CLUH: variants seen among roughly 807,000 people sequenced by gnomAD.
CLUH encodes the protein CLUH binding protein of NUMT mRNA.
CLUH carries 77 observed loss-of-function variants against 139.3 expected under a neutral mutation model. The observed-to-expected ratio is 0.55, with a 90% CI of 0.46 to 0.67. CLUH has a LOEUF of 0.67. CLUH is among the 30% of genes least tolerant of loss of function. The pLI is 0.00. For missense variants in CLUH, 1,876 were observed against 1,875.8 expected (o/e 1.00, Z 0.00); for synonymous variants, 999 against 801.6 (o/e 1.25, Z -4.16).
chr17:2,692,911 C>T (rs534533016), intron 19 of CLUH, 51 bp from the exon 20 acceptor site: 2 of 1,505,796 alleles, frequency 1.3e-6, no homozygotes. Flanking sequence ...CCACTGCACC[C>T]AGAGCCCGCC....
chr17:2,700,242 G>T lies in CLUH; in HGVS notation c.1266+140C>A, dbSNP rs543514149. 9.9e-6 allele frequency: 7 copies of T among 705,524 alleles called. No individual in the cohort carries two copies. In the African/African-American group the frequency reaches 1.1e-4, roughly 11 times the overall value. 43.7% of individuals were successfully genotyped at this position (705,524 alleles called of 1,614,324 possible). On this transcript the variant is annotated intron_variant, in intron 9 of 25. Coordinates refer to ENST00000651024, the MANE Select transcript of CLUH (RefSeq NM_001366661.1). ...AGGCGGAAGGCTAGCAGACCCTGCG[G>T]GAGACGCTGACTGGCCTTCGGGGAA...
Position 2,691,658 on chromosome 17 carries a change from C to T in CLUH, c.3814G>A (p.Val1272Ile). The T allele has an allele frequency of 9.3e-6, 15 of 1,612,532 alleles. No homozygotes were observed. Among genetic ancestry groups the T allele is most frequent in the Non-Finnish European group, 1.3e-5 (15 of 1,179,258 alleles). The change falls in exon 25 of 26, where the codon GTC becomes ATC. Residue 1272 changes from valine (V) to isoleucine (I), a missense_variant. This residue lies in a region of CLUH where 1,454 missense variants were observed against 1,384.4 expected (regional missense o/e 1.05). Coordinates refer to ENST00000651024, the MANE Select transcript of CLUH (RefSeq NM_001366661.1). Reference sequence around the variant, plus strand: ...TTAATGACGTTCAGCTGCTCCAAGACGCTGGCCATGCTGGGGGCCGTGAAC... The same window carrying T: ...TTAATGACGTTCAGCTGCTCCAAGATGCTGGCCATGCTGGGGGCCGTGAAC... ...LKFTAPSMAS[V>I]LEQLNVINGI...
chr17:2,698,324 C>T lies in CLUH; in HGVS notation c.1533G>A (p.Val511=). The T allele has an allele frequency of 1.9e-6, 3 of 1,613,082 alleles. No homozygotes were observed. Among genetic ancestry groups the T allele is most frequent in the Non-Finnish European group, 2.5e-6 (3 of 1,179,760 alleles). ...CCCGGTAGCCGCGGTAATCCACCAC[C>T]ACCGTGCCCAGCGTGTACAGCCCCT... ...DVEGLYTLGT[V]VVDYRGYRVT... The change falls in exon 10 of 26, where the codon GTG becomes GTA. Residue 511 remains valine (V), a synonymous_variant. Coordinates refer to ENST00000651024, the MANE Select transcript of CLUH (RefSeq NM_001366661.1).
intron 13 of CLUH, chr17:2,695,795 T>C: frequency 5.1e-6 from 3 of 586,480 alleles, no homozygotes; most frequent in Non-Finnish European, 9.0e-6. Context: ...CCCCGTGTCC[T>C]GAGGCTTGGA....
Position 2,704,696 on chromosome 17 carries a change from C to A in CLUH, c.101-132G>T, listed in dbSNP as rs1028194994. The stretch of plus-strand genomic sequence containing the variant: ...CCCTCGAGAGTCCCAGCCTCACGGT[C>A]GCGCCTCGCCCTCCGTGCACCTGCA... On this transcript the variant is annotated intron_variant, in intron 1 of 25. Coordinates refer to ENST00000651024, the MANE Select transcript of CLUH (RefSeq NM_001366661.1). This position sits in a 1 kb window ranked among gnomAD's most constrained non-coding sequence, Gnocchi z 5.7. The A allele has an allele frequency of 1.2e-6, 1 of 866,104 alleles. No individual in the cohort carries two copies. The highest frequency in any genetic ancestry group is 3.6e-4 in the Middle Eastern group (1 of 2,804). 53.7% of individuals were successfully genotyped at this position (866,104 alleles called of 1,614,324 possible).
Position 2,690,654 on chromosome 17 carries a change from TG to T in CLUH, c.3986del (p.Pro1329GlnfsTer88). 1.3e-6 allele frequency: 2 copies of T among 1,539,860 alleles called. No homozygotes were observed. The highest frequency in any genetic ancestry group is 1.2e-5 in the South Asian group (1 of 81,344). ...MATEPAPAGA[P>X]GDLGSQPPAA... ...CCGGGGGCTGGGAGCCCAGGTCTCC[TG>T]GGGCCCCCGCTGGCGCGGGCTCGGT... On this transcript the variant is annotated frameshift_variant, in exon 26 of 26. Transcript: ENST00000651024. LOFTEE classifies it high-confidence loss of function.
intron 1 of CLUH, among the ~76,000 whole-genome samples, chr17:2,709,385 C>T (rs973549941): frequency 4.6e-5 from 7 of 152,276 alleles, no homozygotes; most frequent in African/African-American, 1.2e-4. Flanking sequence ...TCCTGTCCCA[C>T]CCAGGCCAGA....
chr17:2,705,613 C>G (rs1443108092), intron 1 of CLUH, among the ~76,000 whole-genome samples: 5 of 152,160 alleles, frequency 3.3e-5, no homozygotes, highest in African/African-American at 1.2e-4. Context: ...CCAAATGACC[C>G]TTAATGGCAG....
intron 4 of CLUH, 43 bp downstream of exon 4, chr17:2,701,871 C>T: frequency 3.7e-6 from 6 of 1,610,650 alleles, no homozygotes; most frequent in Non-Finnish European, 5.1e-6. Flanking sequence ...CCTCCGTGCT[C>T]CCCGCCCTTT....
intron 1 of CLUH, chr17:2,711,280 A>C (rs1023866199): frequency 6.6e-6 from 1 of 152,032 alleles, no homozygotes; most frequent in Non-Finnish European, 1.5e-5. Flanking sequence ...GCACCCCGAA[A>C]CCGCGTGTGC....
Position 2,707,412 on chromosome 17 carries a change from G to A in CLUH, c.101-2848C>T. Reference sequence around the variant, plus strand: ...AGGAAGGGCACACTCCCCCTGCCTGGCATCCCGCTCAAGGTCGGCCAGAAG... The same window carrying A: ...AGGAAGGGCACACTCCCCCTGCCTGACATCCCGCTCAAGGTCGGCCAGAAG... On this transcript the variant is annotated intron_variant, in intron 1 of 25. Transcript: ENST00000651024. The surrounding 1 kb of genome is among the most constrained non-coding windows in gnomAD (Gnocchi z 7.4). 1 of 985,424 alleles carries A rather than the reference G, an allele frequency of 1.0e-6. No homozygotes were observed. Among genetic ancestry groups the A allele is most frequent in the Non-Finnish European group, 1.2e-6 (1 of 829,908 alleles). 61.0% of individuals were successfully genotyped at this position (985,424 alleles called of 1,614,324 possible). A position where few individuals can be genotyped will look rare whatever the true frequency, so the allele number is the denominator to read the frequency against.
chr17:2,700,427 G>T lies in CLUH; in HGVS notation c.1221C>A (p.Arg407=). 6.2e-7 allele frequency: 1 copy of T among 1,613,492 alleles called. No individual in the cohort carries two copies. Residue 407 remains arginine, a synonymous_variant, in exon 9 of 26, where the codon CGC becomes CGA. Transcript: ENST00000651024. ...GGAGCAGCCGCTCAGGCAGGTTCTT[G>T]CGAGGCAGCTCCCTCGTCGTCTGCA... The part of the protein sequence containing the change: ...EELQTTRELP[R]KNLPERLLRE...
At chr17:2,705,348 C>A (rs1273109152) in intron 1 of CLUH, among the ~76,000 whole-genome samples, 1 of 152,080 alleles carries the variant, frequency 6.6e-6, no homozygotes, top group East Asian at 1.9e-4. Context: ...TCCTAGGAAG[C>A]CCACTGCTTA....
rs769367557 is a variant in CLUH at position 2,691,859 on chromosome 17, C to G, written c.3691G>C (p.Glu1231Gln). The G allele has an allele frequency of 9.1e-5, 141 of 1,547,860 alleles. No individual in the cohort carries two copies. The highest frequency in any genetic ancestry group is 1.2e-4 in the Non-Finnish European group (136 of 1,147,794). The change falls in exon 24 of 26, where the codon GAG becomes CAG. Residue 1231 changes from glutamate (E) to glutamine (Q), a missense_variant. Coordinates refer to ENST00000651024, the MANE Select transcript of CLUH (RefSeq NM_001366661.1). ...EDHEKTKESS[E>Q]YLKCLTQQAV... ...TGCTGGGTCAGGCACTTGAGGTACT[C>G]GGAGCTTTCCTTGGTCTTCTCATGG...
rs112947985 is a variant in CLUH, at chr17:2,706,547, G to A, written c.101-1983C>T. Reference sequence around the variant, plus strand: ...CCTGCAGTGGACTCCCAGGAACCACGAGGATGTACAAAGACCTCCCTTCCA... The same window carrying A: ...CCTGCAGTGGACTCCCAGGAACCACAAGGATGTACAAAGACCTCCCTTCCA... On this transcript the variant is annotated intron_variant, in intron 1 of 25. Coordinates refer to ENST00000651024, the MANE Select transcript of CLUH (RefSeq NM_001366661.1). The surrounding 1 kb of genome is among the most constrained non-coding windows in gnomAD (Gnocchi z 4.6). 0.034 allele frequency among the ~76,000 whole-genome samples: 5,241 copies of A among 152,154 alleles called. 305 individuals are homozygous for A. Among genetic ancestry groups the A allele is most frequent in the African/African-American group, 0.12 (4,982 of 41,466 alleles).
At position 2,701,689 on chromosome 17, in the gene CLUH, G is replaced by A; in HGVS notation, c.668C>T (p.Thr223Ile). The A allele has an allele frequency of 1.3e-6, 2 of 1,593,480 alleles. No homozygotes were observed. Among genetic ancestry groups the A allele is most frequent in the East Asian group, 2.2e-5 (1 of 44,492 alleles). ...KGLEMDPIDC[T>I]PPEYILPGSR... ...CCCTGGCAGGATGTACTCGGGTGGTGTGCAGTCGATGGGGTCCATCTCCAA... is the reference window on the plus strand; with the variant it reads ...CCCTGGCAGGATGTACTCGGGTGGTATGCAGTCGATGGGGTCCATCTCCAA... Residue 223 changes from threonine to isoleucine, a missense_variant, in exon 5 of 26, where the codon ACA becomes ATA. This residue lies in a region of CLUH where 270 missense variants were observed against 354.7 expected (regional missense o/e 0.76). Transcript: ENST00000651024.
chr17:2,708,399 A>T (rs896143518), intron 1 of CLUH, among the ~76,000 whole-genome samples: 3 of 152,038 alleles, frequency 2.0e-5, no homozygotes, highest in African/African-American at 7.2e-5. Context: ...ACCCCAGAGA[A>T]GTGTTGACAA....
At chr17:2,694,822 T>TTCCCCCCCCCCCCCCCCCCCCC in intron 16 of CLUH, 35 bp downstream of exon 16, 1 of 1,346,338 alleles carries the variant, frequency 7.4e-7, no homozygotes, top group Non-Finnish European at 1.0e-6. Context: ...ATCTGCCCAA[T>TTCCCCCCCCCCCCCCCCCCCCC]CCCACCCACC....
intron 8 of CLUH, 42 bp from the exon 9 acceptor site, chr17:2,700,516 C>A: frequency 6.3e-7 from 1 of 1,585,564 alleles, no homozygotes; most frequent in Non-Finnish European, 8.6e-7. Context: ...TCAGCCTGTG[C>A]CCTGTGACCT....
Sources: allele counts gnomAD v4.1 joint callset (sites outside exome capture counted in the v4.1 genomes callset), GRCh38; gene constraint gnomAD v4.1.1; regional missense constraint gnomAD v4.1.1; non-coding constraint Gnocchi (gnomAD v3.1); transcripts MANE v1.5; gene names NCBI Gene and HGNC (gene_info 2026-07-23, HGNC 2026-07-21).